The following MAGI1 variants were observed in gnomAD, a reference collection of about 807,000 sequenced individuals.
MAGI1 encodes the protein membrane associated guanylate kinase, WW and PDZ domain containing 1, also known as membrane-associated guanylate kinase, WW and PDZ domain-containing protein 1.
Under a neutral mutation model 139.9 loss-of-function variants are expected in MAGI1, and 58 were observed. The ratio of observed to expected loss-of-function variants is 0.41; its 90% CI spans 0.34 to 0.52. The LOEUF (loss-of-function observed/expected upper bound fraction) is 0.52, where lower values mean the gene tolerates loss of function less well. Among genes scored for constraint, MAGI1 ranks in the 20% least tolerant of loss-of-function variants. The pLI, the probability that MAGI1 is intolerant of heterozygous loss-of-function variation, is 0.12. For missense variants in MAGI1, 1,874 were observed against 1,901.6 expected (o/e 0.99, Z 0.27); for synonymous variants, 812 against 737.9 (o/e 1.10, Z -1.63).
At chr3:66,032,566 G>A (rs932591025) in intron 1 of MAGI1, among the ~76,000 whole-genome samples, 6 of 151,744 alleles carry the variant, frequency 4.0e-5, no homozygotes, top group African/African-American at 1.4e-4. Context: ...GTGAACAAGA[G>A]AGACAAGCTT....
intron 5 of MAGI1, among the ~76,000 whole-genome samples, chr3:65,466,876 C>G (rs1446739422): frequency 2.0e-5 from 3 of 152,252 alleles, no homozygotes; most frequent in African/African-American, 7.2e-5. Flanking sequence ...AGCTTCTACC[C>G]TTGGGGCGTA....
At chr3:65,989,524 C>T (rs2066054017) in intron 1 of MAGI1, among the ~76,000 whole-genome samples, 1 of 152,104 alleles carries the variant, frequency 6.6e-6, no homozygotes, top group African/African-American at 2.4e-5. Flanking sequence ...TAATACCAGA[C>T]ATAAATTTAT....
intron 3 of MAGI1, among the ~76,000 whole-genome samples, chr3:65,485,654 GAAC>G (rs1206495651): frequency 1.3e-5 from 2 of 152,118 alleles, no homozygotes; most frequent in African/African-American, 4.8e-5. Flanking sequence ...CATATTCAAA[GAAC>G]AACATTTTTT....
chr3:65,659,638 C>G (rs1350821486), intron 1 of MAGI1, among the ~76,000 whole-genome samples: 1 of 152,184 alleles, frequency 6.6e-6, no homozygotes, highest in Non-Finnish European at 1.5e-5. Flanking sequence ...GCATGACTTT[C>G]TCCTGAGTAA....
intron 1 of MAGI1, among the ~76,000 whole-genome samples, chr3:65,695,945 A>G (rs187288635): frequency 5.8e-4 from 88 of 152,240 alleles, no homozygotes; most frequent in Non-Finnish European, 1.1e-3. Flanking sequence ...TACCCTCCAC[A>G]AGCAGCCAGA....
At chr3:65,721,254 C>A (rs942775542) in intron 1 of MAGI1, among the ~76,000 whole-genome samples, 21 of 152,202 alleles carry the variant, frequency 1.4e-4, no homozygotes, top group Admixed American at 1.4e-3. Flanking sequence ...TACTTCCCTC[C>A]CTTTCCATCT....
chr3:65,461,370 T>C (rs886650996), intron 5 of MAGI1, among the ~76,000 whole-genome samples: 8 of 151,684 alleles, frequency 5.3e-5, no homozygotes, highest in South Asian at 2.1e-4. Context: ...CTCGTGCCAA[T>C]ACACCCGCCT....
intron 1 of MAGI1, among the ~76,000 whole-genome samples, chr3:65,798,979 G>T (rs1274450695): frequency 2.0e-5 from 3 of 152,056 alleles, no homozygotes; most frequent in Non-Finnish European, 4.4e-5. Context: ...CAGTGCTTGT[G>T]TTCAAGAAAC....
chr3:65,727,964 G>A (rs1290021257), intron 1 of MAGI1, among the ~76,000 whole-genome samples: 1 of 152,196 alleles, frequency 6.6e-6, no homozygotes, highest in Admixed American at 6.5e-5. Flanking sequence ...TACTATTTGA[G>A]AAGAAAGTCA....
In MAGI1 at chr3:66,038,006, G is replaced by A. The variant is rs748555567; in HGVS notation, c.303C>T (p.Ala101=). Residue 101 remains alanine, a synonymous_variant, in exon 1 of 23, where the codon GCC becomes GCT. Transcript: ENST00000402939. The stretch of plus-strand genomic sequence containing the variant: ...CGCGCCCTGCCTTACCTTGTCTGAC[G>A]GCCTTGAAGGTGACGGCCTCCTTGC... ...DSCKEAVTFK[A]VRQGGRLNKD... is the part of the protein sequence containing the mutation. The A allele has an allele frequency of 2.5e-6, 4 of 1,578,720 alleles. No individual in the cohort carries two copies. The highest frequency in any genetic ancestry group is 1.8e-5 in the Admixed American group (1 of 56,272).
At chr3:65,697,451 T>C in intron 1 of MAGI1, among the ~76,000 whole-genome samples, 1 of 143,614 alleles carries the variant, frequency 7.0e-6, no homozygotes, top group African/African-American at 2.7e-5. Flanking sequence ...ATATCCTTGA[T>C]GAACATTGAT....
intron 2 of MAGI1, among the ~76,000 whole-genome samples, chr3:65,509,345 C>T (rs990628945): frequency 6.6e-6 from 1 of 152,168 alleles, no homozygotes; most frequent in African/African-American, 2.4e-5. Context: ...CAGCTCCCAG[C>T]GTGAGCGACG....
intron 1 of MAGI1, among the ~76,000 whole-genome samples, chr3:65,692,281 C>A (rs2088745493): frequency 6.6e-6 from 1 of 152,142 alleles, no homozygotes; most frequent in Non-Finnish European, 1.5e-5. Flanking sequence ...ATCGTTTATT[C>A]ATTGATTCAT....
intron 1 of MAGI1, among the ~76,000 whole-genome samples, chr3:65,830,822 G>A (rs577120003): frequency 6.6e-6 from 1 of 152,060 alleles, no homozygotes; most frequent in Non-Finnish European, 1.5e-5. Flanking sequence ...TGTTTACCAG[G>A]AGTCCCACTT....
chr3:65,956,768 C>T (rs1315163235), intron 1 of MAGI1, among the ~76,000 whole-genome samples: 1 of 152,024 alleles, frequency 6.6e-6, no homozygotes, highest in Non-Finnish European at 1.5e-5. Context: ...GAGGCTGAGG[C>T]GGGAGGACCA....
chr3:65,462,233 A>G (rs1297531414), intron 5 of MAGI1, among the ~76,000 whole-genome samples: 1 of 152,138 alleles, frequency 6.6e-6, no homozygotes, highest in Non-Finnish European at 1.5e-5. Flanking sequence ...ATTTTCTTCT[A>G]GGGTTTTTAT....
Position 65,379,328 on chromosome 3 carries a change from CCCGCGCCGGATCTCCACGTCGTAGGG to C in MAGI1, c.2902_2927del (p.Pro968GlyfsTer38). The C allele has an allele frequency of 6.2e-7, 1 of 1,613,380 alleles. No individual in the cohort carries two copies. The highest frequency in any genetic ancestry group is 8.5e-7 in the Non-Finnish European group (1 of 1,179,678). On this transcript the variant is annotated frameshift_variant, in exon 17 of 23. Coordinates refer to ENST00000402939, the MANE Select transcript of MAGI1 (RefSeq NM_001033057.2). LOFTEE classifies it high-confidence loss of function. ...TGACGAAGCCGAAGCCCTCGTTCTC[CCCGCGCCGGATCTCCACGTCGTAGGG>C]CTGCACCACGGTGCTGACCACGCCG...
chr3:66,018,643 C>T (rs769812704), intron 1 of MAGI1, among the ~76,000 whole-genome samples: 10 of 152,188 alleles, frequency 6.6e-5, no homozygotes, highest in Non-Finnish European at 1.3e-4. Flanking sequence ...TCCAGGTGGA[C>T]TTGGTACAGC....
chr3:66,010,976 G>C (rs1038971363), intron 1 of MAGI1, among the ~76,000 whole-genome samples: 9 of 152,158 alleles, frequency 5.9e-5, no homozygotes, highest in Non-Finnish European at 4.4e-5. Flanking sequence ...TGTTACCTGT[G>C]GTATTTAAAT....
Sources: allele counts gnomAD v4.1 joint callset (sites outside exome capture counted in the v4.1 genomes callset), GRCh38; gene constraint gnomAD v4.1.1; transcripts MANE v1.5; gene names NCBI Gene and HGNC (gene_info 2026-07-23, HGNC 2026-07-21).